The following INSC variants were observed in gnomAD, a reference collection of about 807,000 sequenced individuals.
INSC encodes the protein INSC spindle orientation adaptor protein.
Under a neutral mutation model 58.6 loss-of-function variants are expected in INSC, and 67 were observed. The ratio of observed to expected loss-of-function variants is 1.14; its 90% CI spans 0.94 to 1.40. The LOEUF (loss-of-function observed/expected upper bound fraction) is 1.40. Ranked by LOEUF, INSC falls within the 40% of genes most tolerant of loss-of-function variation. The probability of loss-of-function intolerance (pLI) is 0.00; values close to 1 mark genes in which losing one functional copy is unlikely to be tolerated. For missense variants in INSC, 714 were observed against 692.0 expected, an observed-to-expected ratio of 1.03 and a Z score of -0.36; for synonymous variants, 262 against 276.1, an observed-to-expected ratio of 0.95 and a Z score of 0.51.
chr11:15,207,276 A>G (rs2133897874), intron 7 of INSC, among the ~76,000 whole-genome samples: 1 of 152,332 alleles, frequency 6.6e-6, no homozygotes, highest in African/African-American at 2.4e-5. Flanking sequence ...CCTCACTTTC[A>G]AAAAGCATCC....
intron 5 of INSC, among the ~76,000 whole-genome samples, chr11:15,180,245 G>A (rs534739966): frequency 9.2e-5 from 14 of 152,072 alleles, no homozygotes; most frequent in Non-Finnish European, 2.9e-5. Flanking sequence ...GCAACAGAGT[G>A]AGACTCCGTC....
At chr11:15,112,328 T>G, upstream of INSC, 1 of 627,214 alleles carries the variant, frequency 1.6e-6, no homozygotes. Flanking sequence ...GCAGCCTCAG[T>G]ACTGAACTGC....
chr11:15,173,217 T>G (rs1426655198), intron 2 of INSC, among the ~76,000 whole-genome samples: 1 of 152,148 alleles, frequency 6.6e-6, no homozygotes, highest in East Asian at 1.9e-4. Context: ...GCTGGAGGAC[T>G]TGAAAGATTT....
intron 12 of INSC, 108 bp from the exon 13 acceptor site, chr11:15,245,804 G>T: frequency 7.0e-7 from 1 of 1,427,580 alleles, no homozygotes; most frequent in Non-Finnish European, 9.5e-7. Flanking sequence ...CAAATTGTCT[G>T]GTAAATGCAC....
At chr11:15,113,142 T>TG (rs757262172), upstream of INSC, among the ~76,000 whole-genome samples, 1 of 138,160 alleles carries the variant, frequency 7.2e-6, no homozygotes, top group Non-Finnish European at 1.6e-5. Context: ...TCTTTCTTTC[T>TG]TTCTGTCTCT....
the INSC span, among the ~76,000 whole-genome samples, chr11:15,253,600 A>T: frequency 6.6e-6 from 1 of 151,772 alleles, no homozygotes; most frequent in African/African-American, 2.4e-5. Flanking sequence ...TTGGACACTG[A>T]ATGGAAAACT....
chr11:15,166,960 T>C (rs2133800732), intron 2 of INSC, among the ~76,000 whole-genome samples: 1 of 152,268 alleles, frequency 6.6e-6, no homozygotes, highest in South Asian at 2.1e-4. Flanking sequence ...CCAAGTAAGG[T>C]TGTCGTGAAT....
chr11:15,121,700 T>G (rs1313884432), intron 1 of INSC, among the ~76,000 whole-genome samples: 1 of 152,262 alleles, frequency 6.6e-6, no homozygotes, highest in Non-Finnish European at 1.5e-5. Flanking sequence ...ATCAATTATT[T>G]CTTCCGTATT....
rs751037166 is a variant in INSC at position 15,178,432 on chromosome 11, G to C, written c.564G>C (p.Leu188=). 3.1e-6 allele frequency: 5 copies of C among 1,611,166 alleles called. No individual in the cohort carries two copies. The highest frequency in any genetic ancestry group is 4.2e-6 in the Non-Finnish European group (5 of 1,179,996). Residue 188 remains leucine, a synonymous_variant, in exon 5 of 13, where the codon CTG becomes CTC. Transcript: ENST00000379556. ...QHFGQLLELA[L]TREVQALVRK... is the part of the protein sequence containing the mutation. ...TTGGTCAGCTGCTGGAGCTGGCCCT[G>C]ACACGGGAGGTTCAGGTCAGTGCAG...
chr11:15,196,863 G>A lies in INSC; in HGVS notation c.694-3961G>A, dbSNP rs547899684. 2.7e-3 allele frequency among the ~76,000 whole-genome samples: 404 copies of A among 152,306 alleles called. 2 individuals carry two copies. Among genetic ancestry groups the A allele is most frequent in the African/African-American group, 8.9e-3 (368 of 41,550 alleles). ...CAGTGAGAAAGTCCAAAGCTAGTAA[G>A]GGACTGAACTGGAATTTGAACCTGG... is the stretch of plus-strand genomic sequence containing the variant. On this transcript the variant is annotated intron_variant, in intron 6 of 12. Transcript: ENST00000379556.
intron 7 of INSC, among the ~76,000 whole-genome samples, chr11:15,220,056 T>C (rs1318400300): frequency 6.6e-6 from 1 of 152,208 alleles, no homozygotes; most frequent in Non-Finnish European, 1.5e-5. Context: ...TTTGTCTCCT[T>C]TGAGTCTGAG....
intron 1 of INSC, among the ~76,000 whole-genome samples, chr11:15,116,838 TTTC>T (rs1427837182): frequency 1.3e-4 from 6 of 47,806 alleles, no homozygotes; most frequent in Admixed American, 8.2e-4. Context: ...TCTTTCTTTC[TTTC>T]TTTCTTTCTC....
At chr11:15,147,665 TGTG>T (rs1364159006) in intron 1 of INSC, among the ~76,000 whole-genome samples, 1 of 152,182 alleles carries the variant, frequency 6.6e-6, no homozygotes, top group African/African-American at 2.4e-5. Flanking sequence ...CAGAAACACA[TGTG>T]GTGTCTACCC....
At chr11:15,168,347 T>TAA (rs113781302) in intron 2 of INSC, among the ~76,000 whole-genome samples, 29,746 of 152,006 alleles carry the variant, frequency 0.2, 3,927 homozygotes, top group East Asian at 0.71. Flanking sequence ...AGCTCCCACT[T>TAA]ATAAGTGAGA....
chr11:15,155,431 G>C (rs890220922), intron 2 of INSC, among the ~76,000 whole-genome samples: 1 of 152,192 alleles, frequency 6.6e-6, no homozygotes, highest in Non-Finnish European at 1.5e-5. Context: ...ATCCATAATG[G>C]TTTGTTTACA....
chr11:15,250,310 T>C (rs1300749062), downstream of INSC, among the ~76,000 whole-genome samples: 2 of 152,218 alleles, frequency 1.3e-5, no homozygotes, highest in Non-Finnish European at 2.9e-5. Context: ...AAAGTAGGGA[T>C]AATACTCCTG....
chr11:15,208,473 C>T (rs1314227775), intron 7 of INSC, among the ~76,000 whole-genome samples: 2 of 152,218 alleles, frequency 1.3e-5, no homozygotes, highest in African/African-American at 4.8e-5. Flanking sequence ...GTGGCTTGTT[C>T]ACTTTCGACA....
At chr11:15,237,482 C>A (rs532470403) in intron 10 of INSC, among the ~76,000 whole-genome samples, 1 of 152,264 alleles carries the variant, frequency 6.6e-6, no homozygotes, top group South Asian at 2.1e-4. Flanking sequence ...TATGCTAAGC[C>A]CCCCTGCTCT....
At chr11:15,174,763 T>A (rs1849517335) in intron 2 of INSC, among the ~76,000 whole-genome samples, 1 of 152,254 alleles carries the variant, frequency 6.6e-6, no homozygotes, top group South Asian at 2.1e-4. Flanking sequence ...AATTGACACA[T>A]AACAATTGTC....
Sources: allele counts gnomAD v4.1 joint callset (sites outside exome capture counted in the v4.1 genomes callset), GRCh38; gene constraint gnomAD v4.1.1; transcripts MANE v1.5; gene names NCBI Gene and HGNC (gene_info 2026-07-23, HGNC 2026-07-21).